Variants in CPEB3 observed in about 807,000 individuals in gnomAD.
CPEB3 encodes cytoplasmic polyadenylation element binding protein 3.
Under a neutral mutation model 67.2 loss-of-function variants are expected in CPEB3, and 20 were observed. The ratio of observed to expected loss-of-function variants is 0.30; its 90% CI spans 0.21 to 0.43. The LOEUF is 0.43. Among genes scored for constraint, CPEB3 ranks in the 20% least tolerant of loss-of-function variants. CPEB3 has a pLI of 1.00. For missense variants in CPEB3, 746 were observed against 968.6 expected (o/e 0.77, Z 3.05); for synonymous variants, 376 against 393.1 (o/e 0.96, Z 0.51).
chr10:92,092,051 T>C, intron 7 of CPEB3, 107 bp from the exon 8 acceptor site: 4 of 726,122 alleles, frequency 5.5e-6, no homozygotes, highest in Non-Finnish European at 7.3e-6. Flanking sequence ...ACAATGAACA[T>C]GACCCAAACA....
chr10:92,263,903 G>A (rs1292605895), intron 1 of CPEB3, among the ~76,000 whole-genome samples: 5 of 152,016 alleles, frequency 3.3e-5, no homozygotes, highest in Non-Finnish European at 7.4e-5. Flanking sequence ...ATACTAACTA[G>A]CATTCCCTGA....
chr10:92,144,438 T>C (rs1846583484), intron 5 of CPEB3, among the ~76,000 whole-genome samples: 1 of 152,156 alleles, frequency 6.6e-6, no homozygotes, highest in Admixed American at 6.5e-5. Flanking sequence ...ACCCGGCTAA[T>C]CTTGTTTTGT....
At chr10:92,275,704 A>G (rs1469847439) in intron 1 of CPEB3, among the ~76,000 whole-genome samples, 1 of 152,122 alleles carries the variant, frequency 6.6e-6, no homozygotes, top group Non-Finnish European at 1.5e-5. Context: ...CTCCAGCCCT[A>G]AGCAATCATT....
At chr10:92,247,227 G>GT (rs907325809) in intron 1 of CPEB3, among the ~76,000 whole-genome samples, 18 of 151,874 alleles carry the variant, frequency 1.2e-4, no homozygotes, top group African/African-American at 4.1e-4. Context: ...TTTTTTTATT[G>GT]TTTTTTCTGA....
At position 92,208,414 on chromosome 10, in the gene CPEB3, G is replaced by A. The variant is rs111638204; in HGVS notation, c.1006-15778C>T. ...CCAAGCTACATCCTTAATGTTAATA[G>A]TTTTCAAGAATCTGATAAGTATTTA... On this transcript the variant is annotated intron_variant, in intron 2 of 9. Coordinates refer to ENST00000265997, the MANE Select transcript of CPEB3 (RefSeq NM_014912.5). 8.6e-3 allele frequency among the ~76,000 whole-genome samples: 1,316 copies of A among 152,216 alleles called. 23 individuals carry two copies. The highest frequency in any genetic ancestry group is 0.03 in the African/African-American group (1,228 of 41,542).
chr10:92,145,268 C>T (rs189785211), intron 4 of CPEB3, among the ~76,000 whole-genome samples, 183 bp from the exon 5 acceptor site: 55 of 152,182 alleles, frequency 3.6e-4, no homozygotes, highest in Non-Finnish European at 7.4e-4. Flanking sequence ...TACCAGATAA[C>T]TTTTTATCAT....
chr10:92,276,665 T>C (rs1481402902), intron 1 of CPEB3, among the ~76,000 whole-genome samples: 2 of 152,214 alleles, frequency 1.3e-5, no homozygotes, highest in African/African-American at 4.8e-5. Context: ...GTACAAGTGT[T>C]TGTGTAGGCA....
At chr10:92,107,275 T>C (rs1189974744) in intron 7 of CPEB3, among the ~76,000 whole-genome samples, 2 of 152,238 alleles carry the variant, frequency 1.3e-5, no homozygotes, top group African/African-American at 4.8e-5. Flanking sequence ...TACTTTAGTT[T>C]GGTAATATGG....
Position 92,281,144 on chromosome 10 carries a change from C to T in CPEB3, c.-12+9782G>A, listed in dbSNP as rs75088595. ...AATTTCTTTTTCCCCAATTTAAAGA[C>T]GGACAAAGGACCTTAAAAGACATTT... is the stretch of plus-strand genomic sequence containing the variant. On this transcript the variant is annotated intron_variant, in intron 1 of 9. Transcript: ENST00000265997. 8.4e-4 allele frequency among the ~76,000 whole-genome samples: 127 copies of T among 151,498 alleles called. 3 individuals are homozygous for T. The East Asian group carries it at 0.023, about 27-fold the overall frequency.
At chr10:92,181,367 C>CAAAAAAAAAAAAA (rs55896574) in intron 3 of CPEB3, among the ~76,000 whole-genome samples, 3 of 95,426 alleles carry the variant, frequency 3.1e-5, no homozygotes, top group African/African-American at 8.5e-5. Context: ...ATTCAAGCAG[C>CAAAAAAAAAAAAA]AAAAAAAAAA....
At position 92,231,269 on chromosome 10, in the gene CPEB3, C is replaced by G. The variant is rs113257221; in HGVS notation, c.1005+8077G>C. Among the ~76,000 whole-genome samples the G allele has an allele frequency of 2.4e-3, 362 of 152,224 alleles. 2 individuals carry two copies. Among genetic ancestry groups the G allele is most frequent in the African/African-American group, 7.8e-3 (323 of 41,526 alleles). ...TGTTCTTCCATGCCTCCTTCTAGCC[C>G]CCTCCACTACATGCCATCAGCTAGT... On this transcript the variant is annotated intron_variant, in intron 2 of 9. Coordinates refer to ENST00000265997, the MANE Select transcript of CPEB3 (RefSeq NM_014912.5).
intron 1 of CPEB3, among the ~76,000 whole-genome samples, chr10:92,276,217 T>G (rs925370487): frequency 6.6e-6 from 1 of 152,086 alleles, no homozygotes; most frequent in Non-Finnish European, 1.5e-5. Flanking sequence ...CATCAGTTGA[T>G]GGACAATTGG....
At chr10:92,179,449 A>G (rs937612529) in intron 4 of CPEB3, among the ~76,000 whole-genome samples, 1 of 152,206 alleles carries the variant, frequency 6.6e-6, no homozygotes, top group African/African-American at 2.4e-5. Context: ...AGGCAGACAC[A>G]CTACCATACT....
At chr10:92,153,117 C>T (rs1173153998) in intron 4 of CPEB3, among the ~76,000 whole-genome samples, 2 of 152,188 alleles carry the variant, frequency 1.3e-5, no homozygotes, top group East Asian at 1.9e-4. Flanking sequence ...CTCCGATTCA[C>T]GTCCATGTTT....
chr10:92,251,248 G>A (rs767107673), intron 1 of CPEB3, among the ~76,000 whole-genome samples: 1 of 152,056 alleles, frequency 6.6e-6, no homozygotes, highest in Non-Finnish European at 1.5e-5. Flanking sequence ...ATCACCTAAC[G>A]ATGCATTTCT....
intron 2 of CPEB3, among the ~76,000 whole-genome samples, chr10:92,197,673 T>C (rs190922412): frequency 1.3e-5 from 2 of 152,326 alleles, no homozygotes; most frequent in East Asian, 1.9e-4. Flanking sequence ...CTCCACTGCA[T>C]TAGTCCTCTC....
intron 6 of CPEB3, among the ~76,000 whole-genome samples, chr10:92,141,637 TAAAA>T (rs891945009): frequency 1.2e-4 from 17 of 147,812 alleles, no homozygotes; most frequent in Non-Finnish European, 7.5e-5. Flanking sequence ...ATAATAATAA[TAAAA>T]AATAATAATA....
In CPEB3 at chr10:92,258,639, T is replaced by C. The variant is rs1449254880; in HGVS notation, c.-11-18278A>G. 2.1e-3 allele frequency among the ~76,000 whole-genome samples: 55 copies of C among 26,402 alleles called. 3 individuals carry two copies. Among genetic ancestry groups the C allele is most frequent in the African/African-American group, 3.8e-3 (51 of 13,264 alleles). 17.3% of individuals were successfully genotyped at this position (26,402 alleles called of 152,430 possible). A position where few individuals can be genotyped will look rare whatever the true frequency, so the allele number is the denominator to read the frequency against. ...TATATTTTTTGAATATATATATATA[T>C]ATATATATATATATATATATATATA... On this transcript the variant is annotated intron_variant, in intron 1 of 9. Coordinates refer to ENST00000265997, the MANE Select transcript of CPEB3 (RefSeq NM_014912.5).
At chr10:92,086,432 C>CAGAGTACACTGGTACCAAGT (rs1209695579) in intron 8 of CPEB3, among the ~76,000 whole-genome samples, 1 of 152,210 alleles carries the variant, frequency 6.6e-6, no homozygotes, top group Non-Finnish European at 1.5e-5. Flanking sequence ...TTAAATCAGA[C>CAGAGTACACTGGTACCAAGT]AGAGTACACT....
Sources: gnomAD v4.1 joint callset for allele counts (sites outside exome capture counted in the v4.1 genomes callset) on GRCh38, gnomAD v4.1.1 for gene constraint, MANE v1.5 for transcripts, NCBI Gene and HGNC (gene_info 2026-07-23, HGNC 2026-07-21) for gene names.